CBR3: variants seen among roughly 807,000 people sequenced by gnomAD.
The protein encoded by CBR3 is carbonyl reductase [NADPH] 3.
A neutral mutation model predicts 11.6 loss-of-function variants in CBR3; 14 were observed. The ratio of observed to expected loss-of-function variants is 1.20; its 90% confidence interval spans 0.79 to 1.88. The LOEUF (loss-of-function observed/expected upper bound fraction) is 1.88. Among genes scored for constraint, CBR3 ranks in the 40% most tolerant of loss-of-function variants. The pLI is 0.00. For synonymous variants in CBR3, 125 were observed against 145.6 expected, an observed-to-expected ratio of 0.86 and a Z score of 1.02; for missense variants, 308 against 357.3, an observed-to-expected ratio of 0.86 and a Z score of 1.11.
In CBR3 at chr21:36,145,957, T is replaced by C. The variant is rs1205990294; in HGVS notation, c.398-119T>C. 1.9e-5 allele frequency: 13 copies of C among 670,018 alleles called. No homozygotes were observed. In the East Asian group the frequency reaches 2.9e-4, roughly 15 times the overall value. 41.5% of individuals were successfully genotyped at this position (670,018 alleles called of 1,614,324 possible). On this transcript the variant is annotated intron_variant, in intron 2 of 2. Coordinates refer to ENST00000290354, the MANE Select transcript of CBR3 (RefSeq NM_001236.4). ...GCCTGGGCAACAGGGCGAGACTCTG[T>C]CTCAAAAAAAAAAAAAAAAAAAAAC...
intron 2 of CBR3, chr21:36,141,513 C>T (rs189249477): frequency 6.6e-6 from 1 of 152,324 alleles, no homozygotes; most frequent in East Asian, 1.9e-4. Flanking sequence ...GCTTCCTCAT[C>T]CATCAGTGAA....
At chr21:36,142,361 G>A (rs1336503260) in intron 2 of CBR3, among the ~76,000 whole-genome samples, 1 of 141,932 alleles carries the variant, frequency 7.0e-6, no homozygotes, top group South Asian at 2.4e-4. Flanking sequence ...GAACCCGGGA[G>A]GTGGAGCTTG....
At chr21:36,137,734 C>T in intron 1 of CBR3, 91 bp from the exon 2 acceptor site, 2 of 737,278 alleles carry the variant, frequency 2.7e-6, no homozygotes, top group Non-Finnish European at 2.4e-6. Flanking sequence ...CTTGTTTTTC[C>T]TTTAGTTGTT....
At chr21:36,138,547 CA>C (rs1201103574) in intron 2 of CBR3, 1 of 152,316 alleles carries the variant, frequency 6.6e-6, no homozygotes, top group Non-Finnish European at 1.5e-5. Context: ...TGTGAGTCCC[CA>C]AAGGCCGCTT....
At chr21:36,135,651 G>T in intron 1 of CBR3, 170 bp downstream of exon 1, 1 of 643,724 alleles carries the variant, frequency 1.6e-6, no homozygotes, top group South Asian at 2.5e-5. Flanking sequence ...TCCGTGATTC[G>T]CTGAGCCCCA....
chr21:36,143,951 T>C (rs954824364), intron 2 of CBR3, among the ~76,000 whole-genome samples: 2 of 151,156 alleles, frequency 1.3e-5, no homozygotes, highest in African/African-American at 4.9e-5. Flanking sequence ...ACACGTGAAG[T>C]GTCCATAATG....
intron 1 of CBR3, among the ~76,000 whole-genome samples, chr21:36,136,330 C>T (rs890076455): frequency 2.7e-5 from 4 of 148,642 alleles, no homozygotes; most frequent in Non-Finnish European, 5.9e-5. Context: ...AAAGTTACTA[C>T]GGAGAAATAA....
At chr21:36,144,050 G>T (rs2065735367) in intron 2 of CBR3, among the ~76,000 whole-genome samples, 3 of 152,110 alleles carry the variant, frequency 2.0e-5, no homozygotes, top group Non-Finnish European at 4.4e-5. Flanking sequence ...CTAGGACATT[G>T]GGTGTGCCTA....
intron 2 of CBR3, among the ~76,000 whole-genome samples, chr21:36,142,273 A>G (rs1009577030): frequency 1.3e-5 from 2 of 152,002 alleles, no homozygotes; most frequent in African/African-American, 4.8e-5. Flanking sequence ...TCTACTAAAA[A>G]TACAAGAAAT....
intron 2 of CBR3, among the ~76,000 whole-genome samples, chr21:36,142,836 G>A (rs918091822): frequency 1.3e-5 from 2 of 152,130 alleles, no homozygotes; most frequent in Non-Finnish European, 2.9e-5. Flanking sequence ...TTGAAAGTGA[G>A]AGAGAGAAGG....
At position 36,135,674 on chromosome 21, in the gene CBR3, C is replaced by A; in HGVS notation, c.289+193C>A. The A allele has an allele frequency of 3.6e-6, 2 of 558,286 alleles. 1 individual carries two copies. The highest frequency in any genetic ancestry group is 9.7e-4 in the Middle Eastern group (2 of 2,056). 34.6% of individuals were successfully genotyped at this position (558,286 alleles called of 1,614,324 possible). On this transcript the variant is annotated intron_variant, in intron 1 of 2. Transcript: ENST00000290354. Reference sequence around the variant, plus strand: ...TCGCTGAGCCCCAGGCGGGCCCGGGCGACAAACAGCGCGCCCCGCCCGCCG... The same window carrying A: ...TCGCTGAGCCCCAGGCGGGCCCGGGAGACAAACAGCGCGCCCCGCCCGCCG...
chr21:36,141,430 G>A (rs564122714), intron 2 of CBR3: 3 of 152,146 alleles, frequency 2.0e-5, no homozygotes, highest in Non-Finnish European at 1.5e-5. Flanking sequence ...GTAATTTATT[G>A]AATCTGTACT....
intron 1 of CBR3, among the ~76,000 whole-genome samples, chr21:36,136,761 C>T (rs1394565482): frequency 6.6e-6 from 1 of 152,178 alleles, no homozygotes; most frequent in Non-Finnish European, 1.5e-5. Context: ...GGCGCGGTGG[C>T]TCATGCCTGT....
chr21:36,135,611 C>G, intron 1 of CBR3, 130 bp downstream of exon 1: 1 of 831,232 alleles, frequency 1.2e-6, no homozygotes, highest in Non-Finnish European at 1.8e-6. Flanking sequence ...ATGCGCTCAG[C>G]CCACGCCTCC....
chr21:36,141,055 A>G (rs116879803), intron 2 of CBR3, among the ~76,000 whole-genome samples: 1 of 151,498 alleles, frequency 6.6e-6, no homozygotes, highest in East Asian at 1.9e-4. Context: ...AAAATATCAT[A>G]AGAATGGACT....
rs771814998 is a variant in CBR3 at position 36,146,458 on chromosome 21, T to C, written c.780T>C (p.Asp260=). The change falls in exon 3 of 3, where the codon GAT becomes GAC. Residue 260 remains aspartate (D), a synonymous_variant. Coordinates refer to ENST00000290354, the MANE Select transcript of CBR3 (RefSeq NM_001236.4). ...TCTACTTGGCCCTCTTGCCTCCAGATGCCACTGAGCCACAAGGCCAGTTGG... is the reference window on the plus strand; with the variant it reads ...TCTACTTGGCCCTCTTGCCTCCAGACGCCACTGAGCCACAAGGCCAGTTGG... ...TPVYLALLPP[D]ATEPQGQLVH... 6.2e-7 allele frequency: 1 copy of C among 1,613,768 alleles called. No individual in the cohort carries two copies. Among genetic ancestry groups the C allele is most frequent in the Non-Finnish European group, 8.5e-7 (1 of 1,179,712 alleles).
chr21:36,138,975 C>T (rs915141408), intron 2 of CBR3: 2 of 151,994 alleles, frequency 1.3e-5, no homozygotes, highest in African/African-American at 4.8e-5. Context: ...AAACTCCTGA[C>T]CTCAAGTGAT....
chr21:36,139,352 T>C (rs1005344991), intron 2 of CBR3, among the ~76,000 whole-genome samples: 9 of 151,218 alleles, frequency 6.0e-5, no homozygotes, highest in Non-Finnish European at 1.3e-4. Flanking sequence ...CTTAGAACTG[T>C]GGTTTTTATT....
rs772527690 is a variant in CBR3 at position 36,135,354 on chromosome 21, C to T, written c.162C>T (p.Gly54=). ...CCGTGCAGCAGCTGCAGGCGGAGGG[C>T]CTGAGCCCGCGCTTCCACCAACTGG... ...QAAVQQLQAE[G]LSPRFHQLDI... The change falls in exon 1 of 3, where the codon GGC becomes GGT. Residue 54 remains glycine, a synonymous_variant. Coordinates refer to ENST00000290354, the MANE Select transcript of CBR3 (RefSeq NM_001236.4). 5.0e-6 allele frequency: 8 copies of T among 1,612,682 alleles called. No homozygotes were observed. The highest frequency in any genetic ancestry group is 3.3e-5 in the South Asian group (3 of 91,066).
Sources: allele counts gnomAD v4.1 joint callset (sites outside exome capture counted in the v4.1 genomes callset), GRCh38; gene constraint gnomAD v4.1.1; transcripts MANE v1.5; gene names NCBI Gene and HGNC (gene_info 2026-07-23, HGNC 2026-07-21).